Variants in PLCL2 observed in about 807,000 individuals in gnomAD.
PLCL2 encodes the protein phospholipase C like 2.
In PLCL2, 4 loss-of-function variants were observed where a neutral mutation model predicts 79.6. The ratio of observed to expected loss-of-function variants is 0.05; its 90% CI spans 0.02 to 0.11. PLCL2 has a LOEUF of 0.11. Among genes scored for constraint, PLCL2 ranks in the 10% least tolerant of loss-of-function variants. The pLI is 1.00. For synonymous variants in PLCL2, 484 were observed against 457.7 expected (o/e 1.06, Z -0.73); for missense variants, 895 against 1,291.0 (o/e 0.69, Z 4.70).
intron 3 of PLCL2, among the ~76,000 whole-genome samples, chr3:17,038,241 A>G (rs1004870710): frequency 6.6e-6 from 1 of 152,210 alleles, no homozygotes; most frequent in Non-Finnish European, 1.5e-5. Context: ...GTAACAGGCC[A>G]GTGATATAAA....
At chr3:17,084,573 A>G (rs2065197061) in intron 5 of PLCL2, among the ~76,000 whole-genome samples, 1 of 152,260 alleles carries the variant, frequency 6.6e-6, no homozygotes, top group African/African-American at 2.4e-5. Context: ...AAAAAGAATT[A>G]TTCACCATGA....
Position 16,980,007 on chromosome 3 carries a change from G to C in PLCL2, c.328-29667G>C, listed in dbSNP as rs539349248. 4.8e-3 allele frequency among the ~76,000 whole-genome samples: 706 copies of C among 147,788 alleles called. 7 individuals carry two copies. The highest frequency in any genetic ancestry group is 0.016 in the African/African-American group (637 of 39,908). On this transcript the variant is annotated intron_variant, in intron 1 of 5. Coordinates refer to ENST00000615277, the MANE Select transcript of PLCL2 (RefSeq NM_001144382.2). ...TCCCTCCTGGATGGGGCAGCTGGCC[G>C]GGCAGAGGGGCTCCTCACTTCCCAG...
chr3:16,890,438 T>G (rs1696319396), intron 1 of PLCL2, among the ~76,000 whole-genome samples: 1 of 152,252 alleles, frequency 6.6e-6, no homozygotes, highest in Non-Finnish European at 1.5e-5. Context: ...TTTACTTTAT[T>G]TTTTTATGCT....
chr3:17,012,103 A>G lies in PLCL2; in HGVS notation c.2757A>G (p.Val919=), dbSNP rs149114436. The change falls in exon 2 of 6, where the codon GTA becomes GTG. Residue 919 remains valine (V), a synonymous_variant. Coordinates refer to ENST00000615277, the MANE Select transcript of PLCL2 (RefSeq NM_001144382.2). The part of the protein sequence containing the change: ...RTLWIKTVDE[V]FKNAQPPIRD... ...TGTGGATTAAAACCGTGGATGAGGTATTCAAGAATGCCCAGCCCCCTATAC... is the reference window on the plus strand; with the variant it reads ...TGTGGATTAAAACCGTGGATGAGGTGTTCAAGAATGCCCAGCCCCCTATAC... 7.1e-5 allele frequency: 115 copies of G among 1,614,218 alleles called. 1 individual carries two copies. In the Admixed American group the frequency reaches 1.1e-3, roughly 16 times the overall value.
At chr3:17,029,934 A>G (rs981170657) in intron 3 of PLCL2, among the ~76,000 whole-genome samples, 2 of 152,192 alleles carry the variant, frequency 1.3e-5, no homozygotes, top group African/African-American at 4.8e-5. Context: ...CAAAGGACAC[A>G]TCTTAATAAG....
intron 1 of PLCL2, among the ~76,000 whole-genome samples, chr3:16,955,509 G>A (rs1323267043): frequency 1.3e-5 from 2 of 152,184 alleles, no homozygotes; most frequent in East Asian, 3.9e-4. Flanking sequence ...TTGGCAATGC[G>A]GGCTCTTTTT....
chr3:17,007,978 A>G (rs2064280424), intron 1 of PLCL2, among the ~76,000 whole-genome samples: 1 of 152,210 alleles, frequency 6.6e-6, no homozygotes. Flanking sequence ...CTCTTTTCAA[A>G]TAATAAAGGT....
intron 1 of PLCL2, among the ~76,000 whole-genome samples, chr3:16,907,295 T>A (rs1442533170): frequency 2.6e-5 from 4 of 152,190 alleles, no homozygotes; most frequent in Admixed American, 6.5e-5. Context: ...GATTATGAAT[T>A]TAGTTCTTGG....
chr3:16,920,395 A>G (rs1697097942), intron 1 of PLCL2, among the ~76,000 whole-genome samples: 3 of 152,096 alleles, frequency 2.0e-5, no homozygotes, highest in Admixed American at 2.0e-4. Flanking sequence ...GTATTGTATA[A>G]TTCTCAAGGG....
intron 1 of PLCL2, among the ~76,000 whole-genome samples, chr3:16,902,200 A>G (rs1389543651): frequency 6.6e-6 from 1 of 152,212 alleles, no homozygotes; most frequent in East Asian, 1.9e-4. Context: ...GGCAGATGAC[A>G]CCACTATCCA....
intron 5 of PLCL2, among the ~76,000 whole-genome samples, chr3:17,078,608 A>G (rs2065131455): frequency 1.3e-5 from 2 of 152,170 alleles, no homozygotes; most frequent in South Asian, 4.1e-4. Flanking sequence ...CCCTAAAAGT[A>G]ATTAGAGATT....
intron 1 of PLCL2, among the ~76,000 whole-genome samples, chr3:16,995,020 C>T (rs1459186020): frequency 6.6e-6 from 1 of 152,350 alleles, no homozygotes; most frequent in South Asian, 2.1e-4. Flanking sequence ...GGCTCCCCTT[C>T]TTGGAAGCCA....
chr3:17,016,197 GAGA>G (rs1272665033), intron 3 of PLCL2, among the ~76,000 whole-genome samples: 1 of 152,154 alleles, frequency 6.6e-6, no homozygotes, highest in African/African-American at 2.4e-5. Context: ...AAAGATTCTA[GAGA>G]ATATATTTTG....
intron 3 of PLCL2, among the ~76,000 whole-genome samples, chr3:17,025,028 G>GATAT (rs774825622): frequency 2.0e-5 from 3 of 152,170 alleles, no homozygotes; most frequent in Non-Finnish European, 4.4e-5. Flanking sequence ...GAGGGCACGG[G>GATAT]ATATACACCT....
intron 1 of PLCL2, among the ~76,000 whole-genome samples, chr3:16,960,508 C>G (rs529558775): frequency 2.0e-5 from 3 of 152,248 alleles, no homozygotes; most frequent in Admixed American, 6.5e-5. Context: ...GTCCCTCCCT[C>G]TGTCTCCCAC....
At position 17,090,501 on chromosome 3, in the gene PLCL2, A is replaced by C. The variant is rs572709615; in HGVS notation, c.*589A>C. 1 of 153,174 alleles carries C rather than the reference A, an allele frequency of 6.5e-6. No individual in the cohort carries two copies. Among genetic ancestry groups the C allele is most frequent in the African/African-American group, 2.4e-5 (1 of 41,584 alleles). The allele number at this position is 153,174 out of a possible 1,614,324, so 9.5% of individuals were successfully genotyped here. A position where few individuals can be genotyped will look rare whatever the true frequency, so the allele number is the denominator to read the frequency against. On this transcript the variant is annotated 3_prime_UTR_variant, in exon 6 of 6. Transcript: ENST00000615277. ...ACATGCCGAGTCAGCACATGGGTAGAGATGATGTAAAAGCAGCCAATCTGG... is the reference window on the plus strand; with the variant it reads ...ACATGCCGAGTCAGCACATGGGTAGCGATGATGTAAAAGCAGCCAATCTGG...
chr3:17,025,455 T>C (rs1157439545), intron 3 of PLCL2, among the ~76,000 whole-genome samples: 1 of 152,196 alleles, frequency 6.6e-6, no homozygotes, highest in South Asian at 2.1e-4. Flanking sequence ...GATGAGCTGC[T>C]CTATATTTGT....
At chr3:16,937,501 C>T (rs936471234) in intron 1 of PLCL2, among the ~76,000 whole-genome samples, 1 of 152,136 alleles carries the variant, frequency 6.6e-6, no homozygotes, top group Non-Finnish European at 1.5e-5. Flanking sequence ...GTGCTAATAG[C>T]ATAAATCAAA....
chr3:16,898,855 A>C (rs1696550228), intron 1 of PLCL2, among the ~76,000 whole-genome samples: 1 of 152,124 alleles, frequency 6.6e-6, no homozygotes, highest in Non-Finnish European at 1.5e-5. Context: ...GGAAAATGAT[A>C]TAATTGTCTA....
Sources: allele counts gnomAD v4.1 joint callset (sites outside exome capture counted in the v4.1 genomes callset), GRCh38; gene constraint gnomAD v4.1.1; transcripts MANE v1.5; gene names NCBI Gene and HGNC (gene_info 2026-07-23, HGNC 2026-07-21).